FRMPD2: variants seen among roughly 807,000 people sequenced by gnomAD.
FRMPD2 encodes FERM and PDZ domain containing 2, also known as FERM and PDZ domain-containing protein 2.
FRMPD2 carries 96 observed loss-of-function variants against 140.1 expected under a neutral mutation model. That is an observed-to-expected ratio of 0.69 (90% confidence interval 0.58 to 0.81). FRMPD2 has a LOEUF of 0.81. Among genes scored for constraint, FRMPD2 ranks in the 40% least tolerant of loss-of-function variants. The probability of loss-of-function intolerance (pLI) is 0.00; values close to 1 mark genes in which losing one functional copy is unlikely to be tolerated. For missense variants in FRMPD2, 1,240 were observed against 1,447.4 expected, an observed-to-expected ratio of 0.86 and a Z score of 2.32; for synonymous variants, 449 against 547.6, an observed-to-expected ratio of 0.82 and a Z score of 2.52.
rs751613132 is a variant in FRMPD2, at chr10:48,192,754, G to A, written c.2095C>T (p.Leu699=). Residue 699 remains leucine (L), a synonymous_variant, in exon 16 of 29, where the codon CTG becomes TTG. Transcript: ENST00000374201. ...TTGAAGTTATCCATTGATGTACTCAGCAGGCCTCCTGCAGCACCCTGAAGC... is the reference window on the plus strand; with the variant it reads ...TTGAAGTTATCCATTGATGTACTCAACAGGCCTCCTGCAGCACCCTGAAGC... ...SRLQGAAGGL[L]STSMDNFNVD... The A allele has an allele frequency of 3.7e-5, 60 of 1,614,030 alleles. No individual in the cohort carries two copies. The South Asian group carries it at 6.6e-4, about 18-fold the overall frequency.
chr10:48,198,868 T>A (rs61840038), intron 15 of FRMPD2, among the ~76,000 whole-genome samples: 28,423 of 152,200 alleles, frequency 0.19, 3,419 homozygotes, highest in Non-Finnish European at 0.26. Flanking sequence ...TGTTCTTGAT[T>A]TCACTCTCAG....
chr10:48,240,789 G>GAA (rs1649720531), intron 5 of FRMPD2, among the ~76,000 whole-genome samples: 1 of 152,166 alleles, frequency 6.6e-6, no homozygotes, highest in African/African-American at 2.4e-5. Context: ...ACAAGACCCA[G>GAA]AGCTGTGTGC....
chr10:48,229,506 A>G (rs1381961975), intron 10 of FRMPD2, among the ~76,000 whole-genome samples: 1 of 152,120 alleles, frequency 6.6e-6, no homozygotes, highest in Admixed American at 6.5e-5. Context: ...ACCTTGTAAA[A>G]GAGGTGTTAA....
At chr10:48,215,821 G>A (rs1839433554) in intron 12 of FRMPD2, among the ~76,000 whole-genome samples, 1 of 152,120 alleles carries the variant, frequency 6.6e-6, no homozygotes, top group African/African-American at 2.4e-5. Flanking sequence ...ATGGAGTGTT[G>A]GTGCTGGTCC....
chr10:48,272,055 A>G (rs1840778070), intron 1 of FRMPD2, among the ~76,000 whole-genome samples: 1 of 152,224 alleles, frequency 6.6e-6, no homozygotes, highest in Non-Finnish European at 1.5e-5. Flanking sequence ...TGCAGGTAGC[A>G]TTGTCCTGGG....
intron 16 of FRMPD2, among the ~76,000 whole-genome samples, chr10:48,188,021 G>A (rs533453122): frequency 4.3e-4 from 66 of 152,208 alleles, no homozygotes; most frequent in Non-Finnish European, 8.8e-4. Context: ...ATTCAGAGGT[G>A]AGCAAAGTCT....
At position 48,215,521 on chromosome 10, in the gene FRMPD2, A is replaced by G. The variant is rs914453591; in HGVS notation, c.1456-3412T>C. Among the ~76,000 whole-genome samples the G allele has an allele frequency of 7.9e-5, 12 of 152,342 alleles. No homozygotes were observed. The East Asian group carries it at 1.7e-3, about 22-fold the overall frequency. On this transcript the variant is annotated intron_variant, in intron 12 of 28. Transcript: ENST00000374201. ...TTTTCCGGGTTGATTTAAGAATTCA[A>G]TGGTGCCAAGCCCAGAGCAGGCCTC...
Position 48,245,809 on chromosome 10 carries a change from T to G in FRMPD2, c.310-960A>C, listed in dbSNP as rs1032606455. The stretch of plus-strand genomic sequence containing the variant: ...TATAACTGACAAGGCACATTTCCCT[T>G]AAGATCTCTCTTCTCAGGAAATGAT... On this transcript the variant is annotated intron_variant, in intron 3 of 28. Coordinates refer to ENST00000374201, the MANE Select transcript of FRMPD2 (RefSeq NM_001018071.4). Among the ~76,000 whole-genome samples, 2 of 152,340 alleles carry G rather than the reference T, an allele frequency of 1.3e-5. 1 individual carries two copies.
intron 4 of FRMPD2, among the ~76,000 whole-genome samples, chr10:48,244,528 G>A (rs901489256): frequency 1.4e-4 from 21 of 152,190 alleles, no homozygotes; most frequent in Admixed American, 3.9e-4. Context: ...TCCTCTGAGC[G>A]GAGATGGCCA....
chr10:48,227,868 G>T (rs1048413031), intron 10 of FRMPD2, among the ~76,000 whole-genome samples: 1 of 152,104 alleles, frequency 6.6e-6, no homozygotes, highest in Non-Finnish European at 1.5e-5. Flanking sequence ...ATAGAAGCTA[G>T]TTTAAGTTTT....
chr10:48,234,461 A>G (rs567115597), intron 9 of FRMPD2, among the ~76,000 whole-genome samples: 1 of 152,248 alleles, frequency 6.6e-6, no homozygotes, highest in Admixed American at 6.5e-5. Flanking sequence ...TTTGTTCCCA[A>G]CACCCACAGG....
At position 48,187,134 on chromosome 10, in the gene FRMPD2, G is replaced by A; in HGVS notation, c.2266+58C>T. 3.4e-6 allele frequency: 4 copies of A among 1,189,518 alleles called. No individual in the cohort carries two copies. In the South Asian group the frequency reaches 4.2e-5, roughly 12 times the overall value. The allele number at this position is 1,189,518 out of a possible 1,614,324, so 73.7% of individuals were successfully genotyped here. Reference sequence around the variant, plus strand: ...AATAAGTGGTGGTAAAAGACTCAAAGCAAGCTTCCTGCGTAGGGGTTCCTC... The same window carrying A: ...AATAAGTGGTGGTAAAAGACTCAAAACAAGCTTCCTGCGTAGGGGTTCCTC... On this transcript the variant is annotated intron_variant, in intron 17 of 28. Coordinates refer to ENST00000374201, the MANE Select transcript of FRMPD2 (RefSeq NM_001018071.4).
chr10:48,196,119 G>A (rs1363633216), intron 15 of FRMPD2, among the ~76,000 whole-genome samples: 1 of 152,088 alleles, frequency 6.6e-6, no homozygotes, highest in African/African-American at 2.4e-5. Flanking sequence ...GGGTATGCTG[G>A]GCACAAAAGC....
At chr10:48,222,648 C>T (rs780452481) in intron 11 of FRMPD2, among the ~76,000 whole-genome samples, 197 bp from the exon 12 acceptor site, 33 of 152,296 alleles carry the variant, frequency 2.2e-4, no homozygotes, top group Middle Eastern at 3.4e-3. Context: ...TCGTTTAGGG[C>T]CACTCTATGC....
At chr10:48,209,406 C>T (rs982877701) in intron 13 of FRMPD2, among the ~76,000 whole-genome samples, 3 of 152,198 alleles carry the variant, frequency 2.0e-5, no homozygotes, top group Non-Finnish European at 4.4e-5. Context: ...TGGTATTCAG[C>T]GCTTCCCAAA....
chr10:48,245,725 C>T (rs1429254690), intron 3 of FRMPD2, among the ~76,000 whole-genome samples: 1 of 152,184 alleles, frequency 6.6e-6, no homozygotes, highest in East Asian at 1.9e-4. Context: ...GTCTACATGG[C>T]CTCTGGATTA....
chr10:48,168,459 G>C, intron 27 of FRMPD2, 136 bp downstream of exon 27: 1 of 321,510 alleles, frequency 3.1e-6, no homozygotes, highest in East Asian at 4.8e-5. Flanking sequence ...ACTGAGGTTT[G>C]GGGGCCAGCT....
chr10:48,182,811 T>G (rs1838583654), intron 20 of FRMPD2, among the ~76,000 whole-genome samples: 1 of 152,230 alleles, frequency 6.6e-6, no homozygotes, highest in East Asian at 1.9e-4. Flanking sequence ...GAATTGTGAT[T>G]TGGTCACCTG....
intron 20 of FRMPD2, among the ~76,000 whole-genome samples, chr10:48,184,067 G>C (rs1342749481): frequency 6.6e-6 from 1 of 151,924 alleles, no homozygotes; most frequent in Non-Finnish European, 1.5e-5. Flanking sequence ...CCTGTGACAC[G>C]AGTTTGCCTG....
Sources: allele counts gnomAD v4.1 joint callset (sites outside exome capture counted in the v4.1 genomes callset), GRCh38; gene constraint gnomAD v4.1.1; transcripts MANE v1.5; gene names NCBI Gene and HGNC (gene_info 2026-07-23, HGNC 2026-07-21).